Variants in PCDH15 observed in about 807,000 individuals in gnomAD.
PCDH15 encodes the protein protocadherin related 15.
PCDH15 carries 129 observed loss-of-function variants against 178.5 expected under a neutral mutation model. That is an observed-to-expected ratio of 0.72 (90% CI 0.63 to 0.84). PCDH15 has a LOEUF of 0.84. PCDH15 is among the 40% of genes least tolerant of loss of function. The probability of loss-of-function intolerance (pLI) is 0.00; values close to 1 mark genes in which losing one functional copy is unlikely to be tolerated. For missense variants in PCDH15, 2,230 were observed against 2,099.9 expected, an observed-to-expected ratio of 1.06 and a Z score of -1.21; for synonymous variants, 800 against 732.0, an observed-to-expected ratio of 1.09 and a Z score of -1.50.
intron 1 of PCDH15, among the ~76,000 whole-genome samples, chr10:54,791,469 T>TATATATATATC (rs1591650233): frequency 6.6e-6 from 1 of 151,898 alleles, no homozygotes; most frequent in East Asian, 1.9e-4. Flanking sequence ...TTTCTTAAAA[T>TATATATATATC]TTAAGGTCCA....
chr10:54,082,499 G>A (rs946676816), intron 16 of PCDH15, among the ~76,000 whole-genome samples: 33 of 152,180 alleles, frequency 2.2e-4, no homozygotes, highest in African/African-American at 7.2e-4. Context: ...GGAAAGAATA[G>A]TCTTGTCAAC....
At chr10:55,248,326 G>A (rs962414502) in intron 1 of PCDH15, among the ~76,000 whole-genome samples, 5 of 151,838 alleles carry the variant, frequency 3.3e-5, no homozygotes. Context: ...TACATTTTGA[G>A]AGTTGTAAAG....
rs546451829 is a variant in PCDH15 at position 53,943,504 on chromosome 10, A to AC, written c.3123-2530_3123-2529insG. 2.9e-3 allele frequency among the ~76,000 whole-genome samples: 445 copies of AC among 152,026 alleles called. 1 individual carries two copies. Among genetic ancestry groups the AC allele is most frequent in the African/African-American group, 9.6e-3 (399 of 41,460 alleles). ...AAAACAAAAACAAACAAACAAACAA[A>AC]AAAAACAAAACAGAAAAGAAAAATG... is the stretch of plus-strand genomic sequence containing the variant. On this transcript the variant is annotated intron_variant, in intron 23 of 37. Coordinates refer to ENST00000644397, the MANE Select transcript of PCDH15 (RefSeq NM_001384140.1).
At chr10:54,166,087 T>C (rs1416189599) in intron 13 of PCDH15, among the ~76,000 whole-genome samples, 1 of 152,220 alleles carries the variant, frequency 6.6e-6, no homozygotes, top group Admixed American at 6.5e-5. Flanking sequence ...TTCTCTCCAA[T>C]GCCAGTTAAA....
At chr10:55,134,181 C>G (rs1461791963) in intron 2 of PCDH15, among the ~76,000 whole-genome samples, 2 of 152,104 alleles carry the variant, frequency 1.3e-5, no homozygotes, top group East Asian at 1.9e-4. Flanking sequence ...AGTCCTCCAG[C>G]TATAGGGGGA....
At chr10:54,183,385 G>C (rs542256010) in intron 13 of PCDH15, 59 bp downstream of exon 13, 1 of 1,444,522 alleles carries the variant, frequency 6.9e-7, no homozygotes, top group African/African-American at 1.4e-5. Context: ...TGAGCATATC[G>C]TATAATGCAC....
intron 2 of PCDH15, among the ~76,000 whole-genome samples, chr10:55,542,103 T>A (rs1031485676): frequency 1.3e-5 from 2 of 151,622 alleles, no homozygotes; most frequent in African/African-American, 4.8e-5. Context: ...GAAGTACCTC[T>A]GGAACCTATA....
At chr10:54,679,175 G>A (rs369108397) in intron 1 of PCDH15, among the ~76,000 whole-genome samples, 22 of 129,512 alleles carry the variant, frequency 1.7e-4, no homozygotes, top group South Asian at 4.9e-4. Flanking sequence ...GGGAGACACA[G>A]CGAGACTCCG....
intron 3 of PCDH15, among the ~76,000 whole-genome samples, chr10:54,484,074 G>A (rs541995514): frequency 1.8e-3 from 266 of 151,900 alleles, no homozygotes; most frequent in African/African-American, 6.2e-3. Flanking sequence ...ACTTTAAGGA[G>A]GAAAAATTGT....
chr10:54,245,040 A>G (rs2055783623), intron 8 of PCDH15, among the ~76,000 whole-genome samples: 4 of 152,208 alleles, frequency 2.6e-5, no homozygotes, highest in South Asian at 2.1e-4. Flanking sequence ...TCACAATTCT[A>G]TCTAGGACCT....
rs185842392 is a variant in PCDH15, at chr10:54,160,602, A to G, written c.1591-7309T>C. 8.5e-5 allele frequency among the ~76,000 whole-genome samples: 13 copies of G among 152,322 alleles called. No individual in the cohort carries two copies. The East Asian group carries it at 1.9e-3, about 23-fold the overall frequency. ...CTTTTTCTCTACCAAAAACATAAGA[A>G]CATGATACATAAAATACAGATTATG... is the stretch of plus-strand genomic sequence containing the variant. On this transcript the variant is annotated intron_variant, in intron 13 of 37. Coordinates refer to ENST00000644397, the MANE Select transcript of PCDH15 (RefSeq NM_001384140.1).
At chr10:54,155,318 A>G (rs2044995477) in intron 13 of PCDH15, among the ~76,000 whole-genome samples, 1 of 152,144 alleles carries the variant, frequency 6.6e-6, no homozygotes, top group Non-Finnish European at 1.5e-5. Flanking sequence ...TAGTACTGCA[A>G]AACACAGGAG....
chr10:53,911,654 T>TC (rs1234305280), intron 25 of PCDH15, among the ~76,000 whole-genome samples: 1 of 152,098 alleles, frequency 6.6e-6, no homozygotes, highest in Non-Finnish European at 1.5e-5. Flanking sequence ...AATCAATGAA[T>TC]CCAGGAGCTG....
Position 55,236,539 on chromosome 10 carries a change from A to C in PCDH15, c.-155-69888T>G, listed in dbSNP as rs192586744. On this transcript the variant is annotated intron_variant, in intron 1 of 5. Transcript: ENST00000458638. ...ATATTGAGCAATTTGTGCCTTATTAAACATTAATAGAAATGCCCATATTGC... is the reference window on the plus strand; with the variant it reads ...ATATTGAGCAATTTGTGCCTTATTACACATTAATAGAAATGCCCATATTGC... Among the ~76,000 whole-genome samples the C allele has an allele frequency of 3.3e-5, 5 of 152,216 alleles. No homozygotes were observed. In the East Asian group the frequency reaches 9.6e-4, roughly 29 times the overall value.
intron 2 of PCDH15, among the ~76,000 whole-genome samples, chr10:55,050,694 T>TA (rs1294036736): frequency 1.3e-5 from 2 of 152,048 alleles, no homozygotes; most frequent in Non-Finnish European, 2.9e-5. Flanking sequence ...TTTTTCTCCT[T>TA]AAAATCCCTT....
chr10:54,339,409 C>G (rs1255831338), intron 6 of PCDH15, among the ~76,000 whole-genome samples: 2 of 152,078 alleles, frequency 1.3e-5, no homozygotes, highest in Non-Finnish European at 2.9e-5. Flanking sequence ...GATGAGTACA[C>G]TAGAAATTGC....
At chr10:54,691,970 G>GAT (rs1204026588) in intron 1 of PCDH15, among the ~76,000 whole-genome samples, 1 of 152,014 alleles carries the variant, frequency 6.6e-6, no homozygotes, top group African/African-American at 2.4e-5. Context: ...GGAAGAAAAG[G>GAT]ATATATATCC....
In PCDH15 at chr10:54,774,616, C is replaced by T. The variant is rs149391488; in HGVS notation, c.-29+26309G>A. 1.8e-3 allele frequency among the ~76,000 whole-genome samples: 268 copies of T among 152,220 alleles called. 2 individuals are homozygous for T. Among genetic ancestry groups the T allele is most frequent in the African/African-American group, 6.0e-3 (249 of 41,542 alleles). On this transcript the variant is annotated intron_variant, in intron 1 of 37. Transcript: ENST00000644397. ...TAAATAAAACTTATGTTTTAACAAACTCTGTATACTTAAATTCACCAGTGG... is the reference window on the plus strand; with the variant it reads ...TAAATAAAACTTATGTTTTAACAAATTCTGTATACTTAAATTCACCAGTGG...
intron 3 of PCDH15, among the ~76,000 whole-genome samples, chr10:54,871,338 T>A (rs1299811262): frequency 1.3e-5 from 2 of 151,180 alleles, no homozygotes; most frequent in African/African-American, 4.9e-5. Context: ...AGACTGTAGA[T>A]AATGAGGTTC....
Sources: allele counts gnomAD v4.1 joint callset (sites outside exome capture counted in the v4.1 genomes callset), GRCh38; gene constraint gnomAD v4.1.1; transcripts MANE v1.5; gene names NCBI Gene and HGNC (gene_info 2026-07-23, HGNC 2026-07-21).